Variants in GMDS observed in about 807,000 individuals in gnomAD.
The protein encoded by GMDS is GDP-mannose 4,6-dehydratase, also known as GDP-mannose 4,6 dehydratase.
GMDS carries 20 observed loss-of-function variants against 49.9 expected under a neutral mutation model. The observed-to-expected ratio is 0.40, with a 90% confidence interval of 0.28 to 0.58. The LOEUF is 0.58. Among genes scored for constraint, GMDS ranks in the 20% least tolerant of loss-of-function variants. The pLI is 0.42. For synonymous variants in GMDS, 177 were observed against 178.6 expected, an observed-to-expected ratio of 0.99 and a Z score of 0.07; for missense variants, 362 against 481.4, an observed-to-expected ratio of 0.75 and a Z score of 2.32.
At chr6:1,815,105 G>A (rs1770602608) in intron 7 of GMDS, among the ~76,000 whole-genome samples, 1 of 152,132 alleles carries the variant, frequency 6.6e-6, no homozygotes, top group African/African-American at 2.4e-5. Flanking sequence ...CACGTACATA[G>A]TACATCTTTT....
At chr6:1,680,494 G>A (rs931349088) in intron 9 of GMDS, among the ~76,000 whole-genome samples, 2 of 151,926 alleles carry the variant, frequency 1.3e-5, no homozygotes, top group African/African-American at 2.4e-5. Flanking sequence ...ACCAATGAGG[G>A]TGCAGGCCAG....
intron 7 of GMDS, among the ~76,000 whole-genome samples, chr6:1,821,622 T>G (rs917997857): frequency 4.3e-4 from 21 of 49,252 alleles, no homozygotes; most frequent in South Asian, 8.9e-4. Context: ...TTTTTTTTTT[T>G]TTTTTTTTTT....
intron 4 of GMDS, among the ~76,000 whole-genome samples, chr6:2,097,156 C>T (rs1049796949): frequency 6.6e-6 from 1 of 151,968 alleles, no homozygotes; most frequent in East Asian, 1.9e-4. Flanking sequence ...CAAGAACACC[C>T]AGAAACCCAA....
At chr6:1,711,654 G>A (rs187191348) in intron 9 of GMDS, among the ~76,000 whole-genome samples, 1 of 152,266 alleles carries the variant, frequency 6.6e-6, no homozygotes, top group African/African-American at 2.4e-5. Flanking sequence ...GTTATGTCTA[G>A]GTATGGTTTT....
chr6:1,629,319 T>G (rs1266980460), intron 9 of GMDS, among the ~76,000 whole-genome samples: 1 of 152,218 alleles, frequency 6.6e-6, no homozygotes, highest in Non-Finnish European at 1.5e-5. Context: ...GTTCCCTTAC[T>G]GCTGTCTATC....
rs142709061 is a variant in GMDS at position 2,175,292 on chromosome 6, A to G, written c.103-50561T>C. Among the ~76,000 whole-genome samples the G allele has an allele frequency of 2.6e-5, 4 of 152,332 alleles. No homozygotes were observed. The East Asian group carries it at 7.7e-4, about 29-fold the overall frequency. Reference sequence around the variant, plus strand: ...TAAATTGAAAAATTGAAGGTGGATAAAAATATTATTAACCTTTAAAAGTCT... The same window carrying G: ...TAAATTGAAAAATTGAAGGTGGATAGAAATATTATTAACCTTTAAAAGTCT... On this transcript the variant is annotated intron_variant, in intron 1 of 10. Transcript: ENST00000380815.
At chr6:2,135,969 C>T (rs565537601) in intron 1 of GMDS, among the ~76,000 whole-genome samples, 73 of 152,224 alleles carry the variant, frequency 4.8e-4, no homozygotes, top group African/African-American at 1.7e-3. Flanking sequence ...TTGCACAAAC[C>T]TAGGTAGTAG....
At chr6:1,845,890 C>G (rs1423099660) in intron 7 of GMDS, among the ~76,000 whole-genome samples, 1 of 152,014 alleles carries the variant, frequency 6.6e-6, no homozygotes, top group Non-Finnish European at 1.5e-5. Flanking sequence ...TGGACCAGTA[C>G]TGGTCTGTGG....
At chr6:1,691,251 A>G (rs1476354408) in intron 9 of GMDS, among the ~76,000 whole-genome samples, 1 of 152,130 alleles carries the variant, frequency 6.6e-6, no homozygotes, top group African/African-American at 2.4e-5. Flanking sequence ...CAGCAAACTA[A>G]TGCAGGAACA....
At chr6:1,969,289 A>AAAAAAAAAAAAAAAAAAAAAG (rs56095985) in intron 4 of GMDS, among the ~76,000 whole-genome samples, 18 of 84,352 alleles carry the variant, frequency 2.1e-4, no homozygotes, top group Non-Finnish European at 2.8e-4. Flanking sequence ...AAAAAAAAAA[A>AAAAAAAAAAAAAAAAAAAAAG]AGAGAAAGAA....
chr6:1,845,933 C>A (rs1239478536), intron 7 of GMDS, among the ~76,000 whole-genome samples: 1 of 152,024 alleles, frequency 6.6e-6, no homozygotes, highest in East Asian at 1.9e-4. Context: ...CTGTTAAGTC[C>A]TCATAGCAAT....
At chr6:2,138,833 A>T (rs1776140013) in intron 1 of GMDS, among the ~76,000 whole-genome samples, 1 of 152,158 alleles carries the variant, frequency 6.6e-6, no homozygotes, top group Admixed American at 6.5e-5. Flanking sequence ...AAAATGTCTT[A>T]ATATTGCCCA....
intron 1 of GMDS, among the ~76,000 whole-genome samples, chr6:2,216,505 G>A (rs1183488247): frequency 6.6e-6 from 1 of 152,212 alleles, no homozygotes; most frequent in Non-Finnish European, 1.5e-5. Context: ...GCGTGTGTGA[G>A]CACGTGTGCA....
At chr6:1,960,177 A>G (rs1417815575) in intron 5 of GMDS, among the ~76,000 whole-genome samples, 1 of 152,226 alleles carries the variant, frequency 6.6e-6, no homozygotes, top group Non-Finnish European at 1.5e-5. Flanking sequence ...TTACTTTTGT[A>G]ATGCCAACAG....
chr6:2,114,644 G>A (rs1157460376), intron 4 of GMDS, among the ~76,000 whole-genome samples: 2 of 152,162 alleles, frequency 1.3e-5, no homozygotes, highest in Non-Finnish European at 2.9e-5. Flanking sequence ...AGACAGCACA[G>A]GCAGATATGA....
At chr6:1,898,907 A>G (rs1760358298) in intron 7 of GMDS, among the ~76,000 whole-genome samples, 1 of 152,224 alleles carries the variant, frequency 6.6e-6, no homozygotes, top group Non-Finnish European at 1.5e-5. Context: ...ACTTACAGCC[A>G]ACAATAAAGA....
At chr6:1,762,711 C>T (rs1398632575) in intron 7 of GMDS, among the ~76,000 whole-genome samples, 1 of 152,218 alleles carries the variant, frequency 6.6e-6, no homozygotes, top group African/African-American at 2.4e-5. Flanking sequence ...GAGAAACACG[C>T]TGGGTCTTCA....
rs150849963 is a variant in GMDS at position 1,860,215 on chromosome 6, T to C, written c.771+69888A>G. On this transcript the variant is annotated intron_variant, in intron 7 of 10. Transcript: ENST00000380815. ...AATGTGATATGTAATAAAAATCTTA[T>C]AATGAAGTTCTATGATTTTGTTTCT... Among the ~76,000 whole-genome samples, 702 of 152,336 alleles carry C rather than the reference T, an allele frequency of 4.6e-3. 4 individuals carry two copies. The highest frequency in any genetic ancestry group is 0.016 in the African/African-American group (663 of 41,580).
At chr6:1,685,016 C>A (rs9378649) in intron 9 of GMDS, among the ~76,000 whole-genome samples, 34,154 of 112,014 alleles carry the variant, frequency 0.3, 4,076 homozygotes, top group East Asian at 0.53. Context: ...TCTCTCCCCC[C>A]CCTTTTTTTT....
Sources: gnomAD v4.1 joint callset for allele counts (sites outside exome capture counted in the v4.1 genomes callset) on GRCh38, gnomAD v4.1.1 for gene constraint, MANE v1.5 for transcripts, NCBI Gene and HGNC (gene_info 2026-07-23, HGNC 2026-07-21) for gene names.